CGNL1: variants seen among roughly 807,000 people sequenced by gnomAD.
CGNL1 encodes cingulin-like protein 1.
A neutral mutation model predicts 141.2 loss-of-function variants in CGNL1; 132 were observed. The ratio of observed to expected loss-of-function variants is 0.93; its 90% CI spans 0.81 to 1.08. The LOEUF is 1.08. Among genes scored for constraint, CGNL1 ranks in the 50% least tolerant of loss-of-function variants. The pLI is 0.00. For synonymous variants in CGNL1, 690 were observed against 622.1 expected, an observed-to-expected ratio of 1.11 and a Z score of -1.63; for missense variants, 1,870 against 1,588.6, an observed-to-expected ratio of 1.18 and a Z score of -3.01.
Position 57,397,004 on chromosome 15 carries a change from T to C in CGNL1, c.-16+20437T>C, listed in dbSNP as rs528091097. Reference sequence around the variant, plus strand: ...CACAGAATCCATGCATAGGGCACTGTTGGAGCACTGGGAGAGTCTACTTCA... The same window carrying C: ...CACAGAATCCATGCATAGGGCACTGCTGGAGCACTGGGAGAGTCTACTTCA... On this transcript the variant is annotated intron_variant, in intron 1 of 18. Transcript: ENST00000281282. 3.9e-5 allele frequency: 6 copies of C among 152,282 alleles called. No homozygotes were observed. The East Asian group carries it at 1.2e-3, about 29-fold the overall frequency. The allele number at this position is 152,282 out of a possible 1,614,324, so 9.4% of individuals were successfully genotyped here. A position where few individuals can be genotyped will look rare whatever the true frequency, so the allele number is the denominator to read the frequency against.
rs1161048177 is a variant in CGNL1 at position 57,440,420 on chromosome 15, A to G, written c.1646A>G (p.Gln549Arg). 1 of 1,603,156 alleles carries G rather than the reference A, an allele frequency of 6.2e-7. No homozygotes were observed. Residue 549 changes from glutamine (Q) to arginine (R), a missense_variant, in exon 3 of 19, where the codon CAA (glutamine) becomes CGA (arginine). By Grantham distance (43) the Gln-to-Arg change is conservative (BLOSUM62 1). Transcript: ENST00000281282. ...AAGGGCCAGCAAGAGCTCACTCAGC[A>G]AACCAATGAGGAGACAGCTAAGCAG... Reference protein sequence around the residue: ...LLKGQQELTQQTNEETAKQIL... With the variant: ...LLKGQQELTQRTNEETAKQIL...
chr15:57,502,463 T>A (rs1469458871), intron 8 of CGNL1, among the ~76,000 whole-genome samples: 1 of 152,226 alleles, frequency 6.6e-6, no homozygotes, highest in Non-Finnish European at 1.5e-5. Context: ...GGTTTCAACC[T>A]GAGAAAGTTG....
At chr15:57,457,468 C>T (rs556742406) in intron 7 of CGNL1, among the ~76,000 whole-genome samples, 3 of 152,156 alleles carry the variant, frequency 2.0e-5, no homozygotes, top group African/African-American at 7.2e-5. Flanking sequence ...CCTTAAAGGG[C>T]CTTCCAGCCA....
chr15:57,549,797 G>C lies in CGNL1; in HGVS notation c.*2307G>C, dbSNP rs2033033084. 1 of 152,168 alleles carries C rather than the reference G, an allele frequency of 6.6e-6. No individual in the cohort carries two copies. The highest frequency in any genetic ancestry group is 1.5e-5 in the Non-Finnish European group (1 of 68,042). 9.4% of individuals were successfully genotyped at this position (152,168 alleles called of 1,614,324 possible). On this transcript the variant is annotated 3_prime_UTR_variant, in exon 19 of 19. Coordinates refer to ENST00000281282, the MANE Select transcript of CGNL1 (RefSeq NM_032866.5). ...TCAGCCCTCTGTCTGTCCTTCTGAG[G>C]ACGCAACAAGCCTGGTTCCCTAGAG...
chr15:57,496,368 G>A (rs1346674733), intron 8 of CGNL1, among the ~76,000 whole-genome samples: 1 of 152,182 alleles, frequency 6.6e-6, no homozygotes, highest in African/African-American at 2.4e-5. Flanking sequence ...GTATAGGTCT[G>A]TGACCTGTTA....
chr15:57,523,738 T>C, intron 11 of CGNL1, 97 bp downstream of exon 11: 3 of 1,306,600 alleles, frequency 2.3e-6, no homozygotes, highest in East Asian at 2.3e-5. Context: ...AAACCTGCAG[T>C]AGGTCTAAGC....
intron 8 of CGNL1, among the ~76,000 whole-genome samples, chr15:57,511,487 C>T (rs368589272): frequency 6.6e-6 from 1 of 152,228 alleles, no homozygotes; most frequent in Non-Finnish European, 1.5e-5. Flanking sequence ...AAATGATAGA[C>T]GATAAGTTTC....
intron 1 of CGNL1, among the ~76,000 whole-genome samples, chr15:57,415,370 G>C (rs2062837454): frequency 6.6e-6 from 1 of 152,192 alleles, no homozygotes; most frequent in Admixed American, 6.5e-5. Context: ...AGGAAAGTTG[G>C]AATCCAAGAA....
At chr15:57,384,110 G>A (rs578247914) in intron 1 of CGNL1, among the ~76,000 whole-genome samples, 1 of 151,094 alleles carries the variant, frequency 6.6e-6, no homozygotes, top group East Asian at 1.9e-4. Flanking sequence ...GAAGGGAGAG[G>A]GGAAATAGTG....
At chr15:57,384,227 G>A (rs1389595558) in intron 1 of CGNL1, among the ~76,000 whole-genome samples, 1 of 152,146 alleles carries the variant, frequency 6.6e-6, no homozygotes, top group Non-Finnish European at 1.5e-5. Context: ...GTGTGAGGCA[G>A]CTGGATGGGG....
At chr15:57,532,359 T>C (rs1595804983) in intron 14 of CGNL1, among the ~76,000 whole-genome samples, 1 of 152,336 alleles carries the variant, frequency 6.6e-6, no homozygotes, top group Admixed American at 6.5e-5. Context: ...ACACAGAAAC[T>C]AGTTAACAGT....
chr15:57,545,504 C>G, intron 16 of CGNL1, 88 bp from the exon 17 acceptor site: 1 of 1,203,738 alleles, frequency 8.3e-7, no homozygotes, highest in African/African-American at 1.5e-5. Context: ...GCACCCCTGG[C>G]TGGAGCTTCC....
At chr15:57,386,228 A>T (rs2062481185) in intron 1 of CGNL1, among the ~76,000 whole-genome samples, 1 of 152,214 alleles carries the variant, frequency 6.6e-6, no homozygotes, top group Non-Finnish European at 1.5e-5. Context: ...TTCCCTGCAG[A>T]GGACATTGGT....
intron 7 of CGNL1, 102 bp from the exon 8 acceptor site, chr15:57,461,578 T>G (rs1595728415): frequency 4.3e-6 from 4 of 927,848 alleles, no homozygotes; most frequent in Non-Finnish European, 7.0e-6. Context: ...CAAGGCCAGG[T>G]GAGATGGCTG....
At chr15:57,516,712 A>G in intron 8 of CGNL1, 68 bp from the exon 9 acceptor site, 1 of 1,519,132 alleles carries the variant, frequency 6.6e-7, no homozygotes, top group Non-Finnish European at 9.0e-7. Flanking sequence ...AATGCCAGCC[A>G]TTCTTCCAGC....
rs191418394 is a variant in CGNL1 at position 57,459,166 on chromosome 15, C to T, written c.2191-2514C>T. 7.4e-3 allele frequency among the ~76,000 whole-genome samples: 1,129 copies of T among 152,260 alleles called. 4 individuals are homozygous for T. Among genetic ancestry groups the T allele is most frequent in the Non-Finnish European group, 0.012 (788 of 68,030 alleles). Reference sequence around the variant, plus strand: ...ACCCAGGGGTTCCAAGAAAACAGGTCGTGTTCTTATGCAGAAGCCACAAGT... The same window carrying T: ...ACCCAGGGGTTCCAAGAAAACAGGTTGTGTTCTTATGCAGAAGCCACAAGT... On this transcript the variant is annotated intron_variant, in intron 7 of 18. Transcript: ENST00000281282.
At chr15:57,453,116 C>T (rs1218169164) in intron 6 of CGNL1, among the ~76,000 whole-genome samples, 2 of 151,718 alleles carry the variant, frequency 1.3e-5, no homozygotes, top group African/African-American at 2.4e-5. Context: ...ACTTTTTTTT[C>T]ATCAGGTGGT....
chr15:57,416,653 C>G (rs1367264914), intron 1 of CGNL1, among the ~76,000 whole-genome samples: 2 of 152,196 alleles, frequency 1.3e-5, no homozygotes, highest in Non-Finnish European at 2.9e-5. Context: ...AGGAACTTGT[C>G]TCTACTGCTG....
At chr15:57,389,319 C>T (rs1268643475) in intron 1 of CGNL1, among the ~76,000 whole-genome samples, 1 of 152,152 alleles carries the variant, frequency 6.6e-6, no homozygotes, top group Non-Finnish European at 1.5e-5. Context: ...ACCAAAAAAA[C>T]CTGTAGTTTC....
Sources: allele counts gnomAD v4.1 joint callset (sites outside exome capture counted in the v4.1 genomes callset), GRCh38; gene constraint gnomAD v4.1.1; transcripts MANE v1.5; gene names NCBI Gene and HGNC (gene_info 2026-07-23, HGNC 2026-07-21).